FRMD7: variants seen among roughly 807,000 people sequenced by gnomAD.
The protein encoded by FRMD7 is FERM domain containing 7.
In FRMD7, 14 loss-of-function variants were observed where a neutral mutation model predicts 44.1. The observed-to-expected ratio is 0.32, with a 90% confidence interval of 0.21 to 0.50. FRMD7 has a LOEUF of 0.50. Ranked by LOEUF, FRMD7 falls within the 20% of genes least tolerant of loss-of-function variation. The pLI, the probability that FRMD7 is intolerant of heterozygous loss-of-function variation, is 0.99. For synonymous variants in FRMD7, 212 were observed against 187.4 expected, an observed-to-expected ratio of 1.13 and a Z score of -1.07; for missense variants, 501 against 522.3, an observed-to-expected ratio of 0.96 and a Z score of 0.40.
At chrX:132,124,899 T>C (rs1216170364) in intron 1 of FRMD7, among the ~76,000 whole-genome samples, 1 of 111,784 alleles carries the variant, frequency 8.9e-6, no homozygotes, top group Non-Finnish European at 1.9e-5. Context: ...AGGTCCTCAA[T>C]AATAATTTGT....
rs1371260645 is a variant in FRMD7 at position 132,077,752 on chromosome X, G to A, written c.*120C>T. ...CTTTCATAAGGCAGGCATCCAAAATGAGATTTCCTTAATACCAATGAATAT... is the reference window on the plus strand; with the variant it reads ...CTTTCATAAGGCAGGCATCCAAAATAAGATTTCCTTAATACCAATGAATAT... On this transcript the variant is annotated 3_prime_UTR_variant, in exon 12 of 12. Coordinates refer to ENST00000298542, the MANE Select transcript of FRMD7 (RefSeq NM_194277.3). 1 of 1,031,797 alleles carries A rather than the reference G, an allele frequency of 9.7e-7. No homozygotes were observed. The highest frequency in any genetic ancestry group is 1.3e-6 in the Non-Finnish European group (1 of 759,411). 85.0% of individuals were successfully genotyped at this position (1,031,797 alleles called of 1,213,427 possible).
At chrX:132,104,997 T>A (rs1039488496) in intron 1 of FRMD7, among the ~76,000 whole-genome samples, 6 of 110,670 alleles carry the variant, frequency 5.4e-5, no homozygotes, top group Admixed American at 9.6e-5. Context: ...TAAGGGGGAG[T>A]CCCCAAAAAT....
intron 1 of FRMD7, among the ~76,000 whole-genome samples, chrX:132,121,290 T>C (rs1929028113): frequency 8.9e-6 from 1 of 111,962 alleles, no homozygotes; most frequent in African/African-American, 3.2e-5. Context: ...CCAGCTCACC[T>C]GTTAACTTAA....
intron 1 of FRMD7, among the ~76,000 whole-genome samples, chrX:132,106,147 C>A (rs1928641674): frequency 8.9e-6 from 1 of 111,807 alleles, no homozygotes; most frequent in African/African-American, 3.2e-5. Flanking sequence ...CTATAAGAAA[C>A]TTACACAAAT....
At chrX:132,080,298 C>G in intron 9 of FRMD7, 32 bp from the exon 10 acceptor site, 2 of 1,009,895 alleles carry the variant, frequency 2.0e-6, no homozygotes, top group Middle Eastern at 2.5e-4. Context: ...ATCCTTAGTT[C>G]TAGCCATAAA....
chrX:132,078,735 T>C lies in FRMD7; in HGVS notation c.1282A>G (p.Asn428Asp), dbSNP rs1466599124. 8.3e-7 allele frequency: 1 copy of C among 1,210,274 alleles called. No individual in the cohort carries two copies. Among genetic ancestry groups the C allele is most frequent in the South Asian group, 1.8e-5 (1 of 56,956 alleles). The change falls in exon 12 of 12, where the codon AAT becomes GAT. Residue 428 changes from asparagine to aspartate, a missense_variant. Physicochemically the swap from Asn to Asp is conservative, Grantham distance 23 (BLOSUM62 1). Around this residue, in one of 3 missense-constraint regions of FRMD7, gnomAD observed 453 missense variants for 452.7 expected, o/e 1.00. Transcript: ENST00000298542. ...ATGTCTCTGGGATCAGGGTTAGGAT[T>C]GGGCTCAGTGTTAAAGACAGGGTCC... ...YMDPVFNTEP[N>D]PNPDPRDIFS...
At position 132,078,838 on chromosome X, in the gene FRMD7, C is replaced by T; in HGVS notation, c.1179G>A (p.Leu393=). 1 of 1,210,028 alleles carries T rather than the reference C, an allele frequency of 8.3e-7. No individual in the cohort carries two copies. The highest frequency in any genetic ancestry group is 1.8e-5 in the South Asian group (1 of 56,861). Residue 393 remains leucine, a synonymous_variant, in exon 12 of 12, where the codon CTG becomes CTA. Coordinates refer to ENST00000298542, the MANE Select transcript of FRMD7 (RefSeq NM_194277.3). ...SALEVTFATE[L]EHSKPEADPT... is the part of the protein sequence containing the mutation. Reference sequence around the variant, plus strand: ...GATCCGCCTCTGGTTTGGAATGCTCCAGCTCAGTTGCAAATGTCACCTCCA... The same window carrying T: ...GATCCGCCTCTGGTTTGGAATGCTCTAGCTCAGTTGCAAATGTCACCTCCA...
At position 132,077,771 on chromosome X, in the gene FRMD7, T is replaced by C; in HGVS notation, c.*101A>G. 2 of 1,133,677 alleles carry C rather than the reference T, an allele frequency of 1.8e-6. No individual in the cohort carries two copies. The highest frequency in any genetic ancestry group is 4.0e-5 in the South Asian group (2 of 50,461). The allele number at this position is 1,133,677 out of a possible 1,213,427, so 93.4% of individuals were successfully genotyped here. A position where few individuals can be genotyped will look rare whatever the true frequency, so the allele number is the denominator to read the frequency against. On this transcript the variant is annotated 3_prime_UTR_variant, in exon 12 of 12. Coordinates refer to ENST00000298542, the MANE Select transcript of FRMD7 (RefSeq NM_194277.3). ...CAAAATGAGATTTCCTTAATACCAA[T>C]GAATATGTAGTAACCAAGAAAATGG...
rs187966837 is a variant in FRMD7 at position 132,087,151 on chromosome X, T to C, written c.383-1117A>G. Among the ~76,000 whole-genome samples the C allele has an allele frequency of 4.2e-3, 466 of 112,142 alleles. 5 individuals carry two copies. Among genetic ancestry groups the C allele is most frequent in the African/African-American group, 0.014 (437 of 30,914 alleles). The stretch of plus-strand genomic sequence containing the variant: ...CTTCTTTATAATTTGTATGCCTTTT[T>C]CCTCTCTGTCAGATTTATATGAATC... On this transcript the variant is annotated intron_variant, in intron 5 of 11. Transcript: ENST00000298542.
At chrX:132,082,143 C>G (rs1351101821) in intron 9 of FRMD7, among the ~76,000 whole-genome samples, 2 of 112,228 alleles carry the variant, frequency 1.8e-5, no homozygotes, top group Admixed American at 1.9e-4. Context: ...TGCTGAGACT[C>G]TGATCCTACC....
chrX:132,086,232 A>C (rs1181158784), intron 5 of FRMD7, among the ~76,000 whole-genome samples, 198 bp from the exon 6 acceptor site: 1 of 110,505 alleles, frequency 9.0e-6, no homozygotes, highest in African/African-American at 3.3e-5. Context: ...GCTCTTTTTC[A>C]ATTTGGAAGC....
chrX:132,089,056 C>G (rs181718005), intron 5 of FRMD7, among the ~76,000 whole-genome samples: 7 of 111,682 alleles, frequency 6.3e-5, no homozygotes, highest in Admixed American at 1.9e-4. Flanking sequence ...TGAAAAAGAA[C>G]AAAGTTGGGC....
chrX:132,085,874 T>C, intron 6 of FRMD7, 46 bp downstream of exon 6: 21 of 1,026,495 alleles, frequency 2.0e-5, no homozygotes, highest in Non-Finnish European at 2.9e-5. Context: ...TCCCCAATTT[T>C]AGTGTTCTCT....
intron 3 of FRMD7, 72 bp downstream of exon 3, chrX:132,099,396 G>T: frequency 1.2e-6 from 1 of 832,688 alleles, no homozygotes; most frequent in Non-Finnish European, 1.8e-6. Context: ...ATGAGAAATT[G>T]TGTGAGGTTG....
chrX:132,093,632 G>A (rs1442067442), intron 5 of FRMD7, among the ~76,000 whole-genome samples: 2 of 112,711 alleles, frequency 1.8e-5, no homozygotes, highest in African/African-American at 6.5e-5. Flanking sequence ...ATGATAAAGA[G>A]CAACAGAGAA....
intron 1 of FRMD7, among the ~76,000 whole-genome samples, chrX:132,121,031 G>A (rs748852226): frequency 3.5e-4 from 39 of 111,621 alleles, no homozygotes; most frequent in African/African-American, 1.1e-3. Context: ...GTACAGGCAC[G>A]GGGTGGTGGT....
intron 1 of FRMD7, among the ~76,000 whole-genome samples, chrX:132,125,399 A>C (rs1449474866): frequency 9.0e-6 from 1 of 111,656 alleles, no homozygotes; most frequent in Non-Finnish European, 1.9e-5. Flanking sequence ...ATTTTCTTGA[A>C]TCTTATCTTG....
intron 1 of FRMD7, among the ~76,000 whole-genome samples, chrX:132,121,227 T>C (rs1929026759): frequency 9.0e-6 from 1 of 111,686 alleles, no homozygotes; most frequent in Admixed American, 9.5e-5. Context: ...AAGCCTACCA[T>C]CTAATCAATG....
chrX:132,099,351 AAT>A, intron 3 of FRMD7, 115 bp downstream of exon 3: 1 of 585,435 alleles, frequency 1.7e-6, no homozygotes. Context: ...GGGTTGAAAT[AAT>A]ATCTCAAAGC....
Sources: gnomAD v4.1 joint callset for allele counts (sites outside exome capture counted in the v4.1 genomes callset) on GRCh38, gnomAD v4.1.1 for gene constraint, gnomAD v4.1.1 regional missense constraint, MANE v1.5 for transcripts, NCBI Gene and HGNC (gene_info 2026-07-23, HGNC 2026-07-21) for gene names.